Variants in ORC1 observed in about 807,000 individuals in gnomAD.
ORC1 encodes the protein origin recognition complex subunit 1.
Under a neutral mutation model 98.9 loss-of-function variants are expected in ORC1, and 61 were observed. The observed-to-expected ratio is 0.62, with a 90% CI of 0.50 to 0.76. ORC1 has a LOEUF of 0.76. ORC1 is among the 30% of genes least tolerant of loss of function. The pLI is 0.00. For missense variants in ORC1, 979 were observed against 1,072.2 expected (o/e 0.91, Z 1.21); for synonymous variants, 385 against 406.9 (o/e 0.95, Z 0.65).
intron 4 of ORC1, 121 bp from the exon 5 acceptor site, chr1:52,396,485 C>G (rs778067136): frequency 1.6e-6 from 2 of 1,229,218 alleles, no homozygotes; most frequent in East Asian, 4.7e-5. Flanking sequence ...TGTTACCTTT[C>G]CAATCTAAAG....
chr1:52,390,913 A>G (rs1031602854), intron 6 of ORC1, among the ~76,000 whole-genome samples: 6 of 151,380 alleles, frequency 4.0e-5, no homozygotes, highest in South Asian at 2.1e-4. Flanking sequence ...AAAAAAAAAA[A>G]AAAAAGAAGA....
At chr1:52,405,566 CT>C, upstream of ORC1, 1 of 904,048 alleles carries the variant, frequency 1.1e-6, no homozygotes, top group East Asian at 2.4e-5. Context: ...CACATTCGTT[CT>C]CCTAATATTA....
intron 8 of ORC1, among the ~76,000 whole-genome samples, chr1:52,386,299 C>T (rs184242523): frequency 1.2e-3 from 185 of 152,308 alleles, no homozygotes; most frequent in Non-Finnish European, 2.2e-3. Flanking sequence ...TGCCCAAATA[C>T]AGAAGAGAAG....
chr1:52,395,333 T>C (rs781060742), intron 5 of ORC1, among the ~76,000 whole-genome samples: 62 of 152,066 alleles, frequency 4.1e-4, no homozygotes, highest in African/African-American at 1.4e-3. Flanking sequence ...AAACGAAACA[T>C]AGGAAAGATA....
At chr1:52,384,497 C>A in intron 11 of ORC1, 53 bp downstream of exon 11, 1 of 1,509,446 alleles carries the variant, frequency 6.6e-7, no homozygotes, top group Admixed American at 1.7e-5. Context: ...TTTCCTTTTT[C>A]ATGTGTCACG....
upstream of ORC1, chr1:52,404,963 C>T (rs1418856253): frequency 3.3e-6 from 5 of 1,515,964 alleles, no homozygotes; most frequent in African/African-American, 2.8e-5. Flanking sequence ...AGCGACTGGC[C>T]TCTGGGGGTG....
chr1:52,384,869 T>A, intron 10 of ORC1, 148 bp from the exon 11 acceptor site: 1 of 750,512 alleles, frequency 1.3e-6, no homozygotes, highest in Non-Finnish European at 2.3e-6. Flanking sequence ...CCTTGGAAGC[T>A]GGTCAGAGTA....
intron 4 of ORC1, among the ~76,000 whole-genome samples, chr1:52,397,192 C>A (rs1184113191): frequency 6.6e-6 from 1 of 152,192 alleles, no homozygotes; most frequent in Non-Finnish European, 1.5e-5. Flanking sequence ...TAATCCCATG[C>A]TGGGGAGCCT....
intron 4 of ORC1, among the ~76,000 whole-genome samples, chr1:52,396,740 C>T (rs575452229): frequency 6.6e-6 from 1 of 152,284 alleles, no homozygotes; most frequent in South Asian, 2.1e-4. Flanking sequence ...TTCTTATACC[C>T]TACCATTGCT....
rs112674214 is a variant in ORC1 at position 52,390,901 on chromosome 1, GAAA to G, written c.1083-1583_1083-1581del. On this transcript the variant is annotated intron_variant, in intron 6 of 16. Coordinates refer to ENST00000371568, the MANE Select transcript of ORC1 (RefSeq NM_004153.4). Reference sequence around the variant, plus strand: ...CAGCAAAACTCTGTCTCCAAAAAAAGAAAAAAAAAAAAAAAAAGAAGAAGAAAG... The same window carrying G: ...CAGCAAAACTCTGTCTCCAAAAAAAGAAAAAAAAAAAAAAGAAGAAGAAAG... Among the ~76,000 whole-genome samples the G allele has an allele frequency of 6.5e-5, 5 of 77,450 alleles. No individual in the cohort carries two copies. In the South Asian group the frequency reaches 2.1e-3, roughly 33 times the overall value. 50.8% of individuals were successfully genotyped at this position (77,450 alleles called of 152,430 possible). A position where few individuals can be genotyped will look rare whatever the true frequency, so the allele number is the denominator to read the frequency against.
chr1:52,398,776 G>A (rs1221801350), intron 3 of ORC1, among the ~76,000 whole-genome samples: 4 of 150,632 alleles, frequency 2.7e-5, no homozygotes, highest in Admixed American at 6.6e-5. Context: ...TAGTAGAGAC[G>A]GGGTTTCACC....
chr1:52,396,595 G>A (rs1647411134), intron 4 of ORC1, among the ~76,000 whole-genome samples: 1 of 152,106 alleles, frequency 6.6e-6, no homozygotes, highest in Admixed American at 6.5e-5. Flanking sequence ...AAAGACATCA[G>A]TGAAATAAAT....
intron 6 of ORC1, 72 bp downstream of exon 6, chr1:52,393,371 T>G: frequency 6.2e-7 from 1 of 1,603,448 alleles, no homozygotes; most frequent in South Asian, 1.1e-5. Flanking sequence ...TCTAACTTTT[T>G]TGACTATGAC....
At position 52,396,089 on chromosome 1, in the gene ORC1, G is replaced by T; in HGVS notation, c.678C>A (p.Thr226=). ...TTCTGGCTCTTGGGGTAAGAGGATG[G>T]GTAGGAGTTTGGCGAGATTTGGAGG... ...HSASKSRQTP[T]HPLTPRARKR... Residue 226 remains threonine (T), a synonymous_variant, in exon 5 of 17, where the codon ACC becomes ACA. Transcript: ENST00000371568. 6.2e-7 allele frequency: 1 copy of T among 1,614,152 alleles called. No homozygotes were observed. Among genetic ancestry groups the T allele is most frequent in the South Asian group, 1.1e-5 (1 of 91,080 alleles).
At chr1:52,406,356 T>G (rs753050488), upstream of ORC1, among the ~76,000 whole-genome samples, 13 of 152,172 alleles carry the variant, frequency 8.5e-5, no homozygotes, top group Non-Finnish European at 1.5e-4. Context: ...TTTTGGTAAT[T>G]TTTCCCTGAA....
At chr1:52,395,359 CAATT>C (rs1647346598) in intron 5 of ORC1, among the ~76,000 whole-genome samples, 2 of 151,958 alleles carry the variant, frequency 1.3e-5, no homozygotes, top group Non-Finnish European at 2.9e-5. Context: ...GAAAGGGAAA[CAATT>C]AATTAACATA....
chr1:52,388,731 T>C, intron 7 of ORC1, 94 bp from the exon 8 acceptor site: 8 of 1,155,224 alleles, frequency 6.9e-6, no homozygotes, highest in Non-Finnish European at 1.0e-5. Flanking sequence ...TATTGCAGGG[T>C]CCCTCCTGTG....
rs555789422 is a variant in ORC1 at position 52,375,288 on chromosome 1, T to C, written c.2303+142A>G. On this transcript the variant is annotated intron_variant, in intron 15 of 16. Transcript: ENST00000371568. ...CAAATATTCTATTATCCTAGGGTTA[T>C]ATTTCTGTTTCCCTGACTAGATAAT... is the stretch of plus-strand genomic sequence containing the variant. 1.1e-3 allele frequency: 844 copies of C among 788,576 alleles called. 3 individuals carry two copies. In the Middle Eastern group the frequency reaches 0.022, roughly 21 times the overall value. The allele number at this position is 788,576 out of a possible 1,614,324, so 48.8% of individuals were successfully genotyped here.
At chr1:52,384,819 G>A (rs950526162) in intron 10 of ORC1, 98 bp from the exon 11 acceptor site, 26 of 1,111,688 alleles carry the variant, frequency 2.3e-5, no homozygotes, top group African/African-American at 4.6e-5. Flanking sequence ...GGGAAGGACC[G>A]AGACCCTTGA....
Sources: allele counts gnomAD v4.1 joint callset (sites outside exome capture counted in the v4.1 genomes callset), GRCh38; gene constraint gnomAD v4.1.1; transcripts MANE v1.5; gene names NCBI Gene and HGNC (gene_info 2026-07-23, HGNC 2026-07-21).